The following NID1 variants were observed in gnomAD, a reference collection of about 807,000 sequenced individuals.
The protein encoded by NID1 is nidogen-1.
A neutral mutation model predicts 130.6 loss-of-function variants in NID1; 76 were observed. The ratio of observed to expected loss-of-function variants is 0.58; its 90% CI spans 0.48 to 0.70. The LOEUF (loss-of-function observed/expected upper bound fraction) is 0.70, where lower values mean the gene tolerates loss of function less well. Among genes scored for constraint, NID1 ranks in the 30% least tolerant of loss-of-function variants. The pLI is 0.00. For synonymous variants in NID1, 665 were observed against 675.1 expected (o/e 0.98, Z 0.23); for missense variants, 1,517 against 1,664.8 (o/e 0.91, Z 1.54).
At position 236,017,249 on chromosome 1, in the gene NID1, G is replaced by T. The variant is rs1399540153; in HGVS notation, c.2153C>A (p.Pro718His). The part of the protein sequence containing the change: ...CYDIDECSEQ[P>H]SVCGSHTICN... ...GATTGTGTGGCTCCCACACACTGAGGGTTGTTCTGAACATTCATCAATATC... is the reference window on the plus strand; with the variant it reads ...GATTGTGTGGCTCCCACACACTGAGTGTTGTTCTGAACATTCATCAATATC... Residue 718 changes from proline (P) to histidine (H), a missense_variant, in exon 10 of 20, where the codon CCC (proline) becomes CAC (histidine). Around this residue, in one of 3 missense-constraint regions of NID1, gnomAD observed 1,329 missense variants for 1,429.2 expected, o/e 0.93. Transcript: ENST00000264187. 1 of 1,613,950 alleles carries T rather than the reference G, an allele frequency of 6.2e-7. No individual in the cohort carries two copies. Among genetic ancestry groups the T allele is most frequent in the East Asian group, 2.2e-5 (1 of 44,900 alleles).
At chr1:236,022,745 C>T (rs942231585) in intron 9 of NID1, among the ~76,000 whole-genome samples, 4 of 151,692 alleles carry the variant, frequency 2.6e-5, no homozygotes, top group Admixed American at 6.6e-5. Context: ...CTGTGGAAAA[C>T]ATTGTGGTGG....
At chr1:236,042,387 C>T in intron 3 of NID1, 95 bp from the exon 4 acceptor site, 1 of 1,461,958 alleles carries the variant, frequency 6.8e-7, no homozygotes, top group Admixed American at 2.0e-5. Context: ...CTGTGTTGGT[C>T]TGCAAGCCAT....
At chr1:236,016,231 C>T (rs1427700998) in intron 10 of NID1, among the ~76,000 whole-genome samples, 2 of 152,052 alleles carry the variant, frequency 1.3e-5, no homozygotes, top group African/African-American at 4.8e-5. Context: ...CCTGAGCTCA[C>T]AGATGTTTGG....
At chr1:235,999,370 A>C (rs1014129456) in intron 12 of NID1, among the ~76,000 whole-genome samples, 6 of 152,164 alleles carry the variant, frequency 3.9e-5, no homozygotes, top group African/African-American at 1.4e-4. Flanking sequence ...AGGAGGGGGA[A>C]CCTCAACTGT....
rs531639394 is a variant in NID1 at position 235,976,593 on chromosome 1, C to T, written c.*1274G>A. ...ATCCAAAATTTCTATTGTTTTAGGA[C>T]TCTGGGAAGCAGTTGATAAAAAGAT... On this transcript the variant is annotated 3_prime_UTR_variant, in exon 20 of 20. Transcript: ENST00000264187. 5.9e-5 allele frequency: 9 copies of T among 152,168 alleles called. No homozygotes were observed. In the South Asian group the frequency reaches 1.7e-3, roughly 28 times the overall value. 9.4% of individuals were successfully genotyped at this position (152,168 alleles called of 1,614,324 possible).
chr1:236,049,167 C>T (rs1659695695), intron 1 of NID1, among the ~76,000 whole-genome samples, 178 bp from the exon 2 acceptor site: 1 of 152,110 alleles, frequency 6.6e-6, no homozygotes, highest in Non-Finnish European at 1.5e-5. Flanking sequence ...GCAAAATGGG[C>T]TGTGTGGAAA....
chr1:236,007,573 C>T (rs1015968376), intron 12 of NID1, among the ~76,000 whole-genome samples: 1 of 152,218 alleles, frequency 6.6e-6, no homozygotes, highest in Non-Finnish European at 1.5e-5. Flanking sequence ...CTTGGTCAGT[C>T]TCTCTTTCTC....
In NID1 at chr1:236,045,711, C is replaced by T. The variant is rs147574193; in HGVS notation, c.526-28G>A. The T allele has an allele frequency of 1.9e-5, 29 of 1,550,284 alleles. No homozygotes were observed. The African/African-American group carries it at 3.8e-4, about 20-fold the overall frequency. On this transcript the variant is annotated intron_variant, in intron 2 of 19. Coordinates refer to ENST00000264187, the MANE Select transcript of NID1 (RefSeq NM_002508.3). ...GTGAAGATGAGTTAAAATTCAGTTA[C>T]TCGGAAAAATATCGATAGATTTTAA...
At chr1:236,050,962 A>G (rs1174539836) in intron 1 of NID1, among the ~76,000 whole-genome samples, 1 of 152,158 alleles carries the variant, frequency 6.6e-6, no homozygotes, top group Non-Finnish European at 1.5e-5. Context: ...AAGTGCCTGC[A>G]GTCCCAGCTA....
chr1:236,015,561 C>G (rs907107635), intron 10 of NID1, among the ~76,000 whole-genome samples: 18 of 148,784 alleles, frequency 1.2e-4, no homozygotes, highest in African/African-American at 4.5e-4. Context: ...GCAGGAGAAT[C>G]TCTTGAACCC....
intron 6 of NID1, among the ~76,000 whole-genome samples, chr1:236,030,432 T>A (rs1659064057): frequency 2.6e-5 from 4 of 152,166 alleles, no homozygotes; most frequent in Admixed American, 2.6e-4. Context: ...CTACAACCCT[T>A]GAGCTCAGAA....
intron 12 of NID1, among the ~76,000 whole-genome samples, chr1:236,004,153 A>G (rs1435809988): frequency 2.0e-5 from 3 of 152,036 alleles, no homozygotes; most frequent in African/African-American, 7.2e-5. Context: ...AAAGAAGCTG[A>G]CTGCAGTGGT....
chr1:236,012,578 A>AAAAAAAAAAAAAG (rs1553343926), intron 11 of NID1, among the ~76,000 whole-genome samples: 8 of 99,534 alleles, frequency 8.0e-5, no homozygotes, highest in African/African-American at 2.2e-4. Flanking sequence ...AAAAAAAAAA[A>AAAAAAAAAAAAAG]AAAGAAAGAA....
chr1:236,010,546 C>T (rs1658381707), intron 12 of NID1, among the ~76,000 whole-genome samples: 1 of 152,138 alleles, frequency 6.6e-6, no homozygotes, highest in South Asian at 2.1e-4. Flanking sequence ...GTAATCTGTC[C>T]ACCTCGATCT....
chr1:236,028,687 C>CATATATAT (rs59523526), intron 7 of NID1, among the ~76,000 whole-genome samples: 41 of 147,002 alleles, frequency 2.8e-4, no homozygotes, highest in South Asian at 6.4e-4. Context: ...GGTCAGTATA[C>CATATATAT]ATATATATAT....
chr1:236,008,362 T>G (rs1658309455), intron 12 of NID1, among the ~76,000 whole-genome samples: 1 of 152,216 alleles, frequency 6.6e-6, no homozygotes, highest in Non-Finnish European at 1.5e-5. Flanking sequence ...TAGTTTTCTT[T>G]TGGAAACTAG....
At chr1:236,054,645 A>G (rs1056068651) in intron 1 of NID1, among the ~76,000 whole-genome samples, 12 of 152,062 alleles carry the variant, frequency 7.9e-5, no homozygotes, top group Non-Finnish European at 1.6e-4. Context: ...GTTTTTTTAA[A>G]GAATTTTTTT....
At position 236,049,009 on chromosome 1, in the gene NID1, G is replaced by A. The variant is rs1240241027; in HGVS notation, c.226-20C>T. 1.4e-5 allele frequency: 23 copies of A among 1,605,354 alleles called. No individual in the cohort carries two copies. Among genetic ancestry groups the A allele is most frequent in the Non-Finnish European group, 1.7e-5 (20 of 1,177,940 alleles). Reference sequence around the variant, plus strand: ...GGTGACCTGTACAAAACCAAGTGTGGTTAAAAGGAATGCAGAAACGGGTCC... The same window carrying A: ...GGTGACCTGTACAAAACCAAGTGTGATTAAAAGGAATGCAGAAACGGGTCC... On this transcript the variant is annotated intron_variant, in intron 1 of 19. Transcript: ENST00000264187.
intron 15 of NID1, among the ~76,000 whole-genome samples, chr1:235,984,581 G>A (rs942406981): frequency 1.3e-5 from 2 of 152,200 alleles, no homozygotes; most frequent in African/African-American, 4.8e-5. Flanking sequence ...ATATTTTGCA[G>A]AGAACGCAAG....
Sources: gnomAD v4.1 joint callset for allele counts (sites outside exome capture counted in the v4.1 genomes callset) on GRCh38, gnomAD v4.1.1 for gene constraint, gnomAD v4.1.1 regional missense constraint, MANE v1.5 for transcripts, NCBI Gene and HGNC (gene_info 2026-07-23, HGNC 2026-07-21) for gene names.